IGSF21: variants seen among roughly 807,000 people sequenced by gnomAD.
IGSF21 encodes the protein immunoglobulin superfamily member 21.
In IGSF21, 28 loss-of-function variants were observed where a neutral mutation model predicts 46.8. The ratio of observed to expected loss-of-function variants is 0.60; its 90% CI spans 0.44 to 0.82. The LOEUF is 0.82. Among genes scored for constraint, IGSF21 ranks in the 40% least tolerant of loss-of-function variants. The probability of loss-of-function intolerance (pLI) is 0.00; values close to 1 mark genes in which losing one functional copy is unlikely to be tolerated. For missense variants in IGSF21, 624 were observed against 665.5 expected, an observed-to-expected ratio of 0.94 and a Z score of 0.69; for synonymous variants, 284 against 273.6, an observed-to-expected ratio of 1.04 and a Z score of -0.38.
chr1:18,281,954 A>G (rs1182314734), intron 2 of IGSF21, among the ~76,000 whole-genome samples: 2 of 152,054 alleles, frequency 1.3e-5, no homozygotes, highest in Non-Finnish European at 2.9e-5. Context: ...CGGAGCAAAG[A>G]GCCTGGCTCC....
intron 1 of IGSF21, among the ~76,000 whole-genome samples, chr1:18,155,909 C>T (rs1216964445): frequency 4.6e-5 from 7 of 152,208 alleles, no homozygotes; most frequent in Non-Finnish European, 1.0e-4. Context: ...AGGCTGAGAG[C>T]CTAATTGATT....
intron 1 of IGSF21, among the ~76,000 whole-genome samples, chr1:18,185,120 T>A (rs2086891284): frequency 6.6e-6 from 1 of 152,206 alleles, no homozygotes; most frequent in Non-Finnish European, 1.5e-5. Flanking sequence ...TGAGGTGAGC[T>A]GCCCAAGTTA....
intron 2 of IGSF21, among the ~76,000 whole-genome samples, chr1:18,279,118 G>T (rs569146015): frequency 4.1e-4 from 62 of 152,282 alleles, no homozygotes; most frequent in African/African-American, 1.4e-3. Context: ...GAAGCAACTT[G>T]ATTCTTCTAA....
intron 2 of IGSF21, among the ~76,000 whole-genome samples, chr1:18,236,706 G>A (rs935878887): frequency 5.0e-5 from 7 of 141,356 alleles, no homozygotes. Context: ...AGGAGGAACA[G>A]CCAGCAAGAT....
chr1:18,152,032 T>G (rs1180158916), intron 1 of IGSF21, among the ~76,000 whole-genome samples: 1 of 152,172 alleles, frequency 6.6e-6, no homozygotes, highest in African/African-American at 2.4e-5. Context: ...AATCACTGCC[T>G]AGGAGTGGAC....
intron 1 of IGSF21, among the ~76,000 whole-genome samples, chr1:18,168,994 GTGTC>G (rs1330590820): frequency 2.0e-5 from 3 of 152,242 alleles, no homozygotes; most frequent in Non-Finnish European, 2.9e-5. Context: ...GGGGCTCAGA[GTGTC>G]TGTCTGGGTT....
chr1:18,288,046 C>T (rs1047705808), intron 2 of IGSF21, among the ~76,000 whole-genome samples: 2 of 152,192 alleles, frequency 1.3e-5, no homozygotes, highest in African/African-American at 4.8e-5. Flanking sequence ...AGGGACTCTA[C>T]AAGGCTCATG....
intron 1 of IGSF21, among the ~76,000 whole-genome samples, chr1:18,160,417 GTTA>G (rs2086607781): frequency 1.3e-5 from 2 of 152,228 alleles, no homozygotes; most frequent in Non-Finnish European, 2.9e-5. Context: ...AAAGGCAGAT[GTTA>G]TTATAGTTAG....
chr1:18,344,975 C>T (rs2085878531), intron 4 of IGSF21, among the ~76,000 whole-genome samples: 1 of 152,168 alleles, frequency 6.6e-6, no homozygotes, highest in African/African-American at 2.4e-5. Context: ...GGATCCAGGC[C>T]AGAGCTGCAG....
chr1:18,279,278 C>T (rs1011833032), intron 2 of IGSF21, among the ~76,000 whole-genome samples: 1 of 152,184 alleles, frequency 6.6e-6, no homozygotes, highest in African/African-American at 2.4e-5. Context: ...CTTCCATCTT[C>T]CTTAATTTAA....
intron 1 of IGSF21, among the ~76,000 whole-genome samples, chr1:18,208,376 A>AATATATATATATATATATATATATAT (rs5772795): frequency 1.4e-4 from 3 of 22,034 alleles, no homozygotes; most frequent in African/African-American, 5.3e-4. Context: ...GTTTAGGAAT[A>AATATATATATATATATATATATATAT]ATATATATAT....
At position 18,308,311 on chromosome 1, in the gene IGSF21, C is replaced by T. The variant is rs1195395811; in HGVS notation, c.305+16324C>T. Among the ~76,000 whole-genome samples, 3 of 152,174 alleles carry T rather than the reference C, an allele frequency of 2.0e-5. No individual in the cohort carries two copies. The South Asian group carries it at 6.2e-4, about 32-fold the overall frequency. On this transcript the variant is annotated intron_variant, in intron 3 of 9. Transcript: ENST00000251296. ...TTTCCAAGTGCAGCCCATGCCCTAT[C>T]CACCTTCTGGCCTTGAGACATCACT...
intron 2 of IGSF21, among the ~76,000 whole-genome samples, chr1:18,251,905 C>T (rs1389995622): frequency 6.6e-6 from 1 of 152,108 alleles, no homozygotes; most frequent in Non-Finnish European, 1.5e-5. Flanking sequence ...AGTAGGCCCC[C>T]ACTACACAAT....
chr1:18,318,013 T>C (rs532740004), intron 3 of IGSF21, among the ~76,000 whole-genome samples: 2 of 152,298 alleles, frequency 1.3e-5, no homozygotes, highest in South Asian at 4.1e-4. Flanking sequence ...TCCACGCTAT[T>C]CATGCAGGCC....
chr1:18,274,330 T>C (rs11801569), intron 2 of IGSF21, among the ~76,000 whole-genome samples: 36,719 of 152,160 alleles, frequency 0.24, 4,857 homozygotes, highest in African/African-American at 0.35. Context: ...GTACAGGTTC[T>C]GGTCAGGTTG....
rs187321000 is a variant in IGSF21 at position 18,218,087 on chromosome 1, G to C, written c.71-9811G>C. Among the ~76,000 whole-genome samples, 99 of 152,306 alleles carry C rather than the reference G, an allele frequency of 6.5e-4. 1 individual carries two copies. Among genetic ancestry groups the C allele is most frequent in the Admixed American group, 2.0e-3 (30 of 15,304 alleles). ...TTGCTATAAAGGACTGCCTGAGCCTGGGTAATTTATAAAGAAAAGAGGTTT... is the reference window on the plus strand; with the variant it reads ...TTGCTATAAAGGACTGCCTGAGCCTCGGTAATTTATAAAGAAAAGAGGTTT... On this transcript the variant is annotated intron_variant, in intron 1 of 9. Transcript: ENST00000251296.
At position 18,302,756 on chromosome 1, in the gene IGSF21, C is replaced by T. The variant is rs569476032; in HGVS notation, c.305+10769C>T. Among the ~76,000 whole-genome samples, 19 of 152,238 alleles carry T rather than the reference C, an allele frequency of 1.2e-4. No homozygotes were observed. In the East Asian group the frequency reaches 3.1e-3, roughly 25 times the overall value. The stretch of plus-strand genomic sequence containing the variant: ...GCCCCTGGAACTTCAAGGAGGCTCC[C>T]GTTTCCAATTTAGAAGGAGGGTCAG... On this transcript the variant is annotated intron_variant, in intron 3 of 9. Transcript: ENST00000251296.
intron 2 of IGSF21, among the ~76,000 whole-genome samples, chr1:18,278,648 G>A (rs945245555): frequency 1.4e-4 from 21 of 151,784 alleles, no homozygotes; most frequent in African/African-American, 5.1e-4. Context: ...CAACTTCCTG[G>A]GCTCAGGAAA....
chr1:18,281,698 G>A (rs954329803), intron 2 of IGSF21, among the ~76,000 whole-genome samples: 4 of 152,044 alleles, frequency 2.6e-5, no homozygotes, highest in Non-Finnish European at 4.4e-5. Context: ...AAGAGCCCCC[G>A]AGCCCCTCTC....
Sources: gnomAD v4.1 joint callset for allele counts (sites outside exome capture counted in the v4.1 genomes callset) on GRCh38, gnomAD v4.1.1 for gene constraint, MANE v1.5 for transcripts, NCBI Gene and HGNC (gene_info 2026-07-23, HGNC 2026-07-21) for gene names.